GPC6: variants seen among roughly 807,000 people sequenced by gnomAD.
GPC6 encodes glypican 6.
GPC6 carries 14 observed loss-of-function variants against 55.2 expected under a neutral mutation model. The ratio of observed to expected loss-of-function variants is 0.25; its 90% CI spans 0.17 to 0.40. The LOEUF is 0.40. GPC6 is among the 10% of genes least tolerant of loss of function. GPC6 has a pLI of 1.00. For synonymous variants in GPC6, 278 were observed against 259.6 expected, an observed-to-expected ratio of 1.07 and a Z score of -0.68; for missense variants, 641 against 708.5, an observed-to-expected ratio of 0.90 and a Z score of 1.08.
At chr13:94,231,236 G>A (rs1347018199) in intron 4 of GPC6, among the ~76,000 whole-genome samples, 2 of 152,102 alleles carry the variant, frequency 1.3e-5, no homozygotes, top group Non-Finnish European at 2.9e-5. Context: ...AGGGACCCTT[G>A]GGCTGGTGTA....
intron 1 of GPC6, among the ~76,000 whole-genome samples, chr13:93,308,476 CTG>C (rs1878953556): frequency 6.6e-6 from 1 of 152,138 alleles, no homozygotes; most frequent in African/African-American, 2.4e-5. Context: ...GAGTCTGGCT[CTG>C]TTGTCTAGGC....
At chr13:93,918,811 G>A (rs1877419283) in intron 3 of GPC6, among the ~76,000 whole-genome samples, 1 of 152,142 alleles carries the variant, frequency 6.6e-6, no homozygotes, top group Non-Finnish European at 1.5e-5. Context: ...CATTGGGAGA[G>A]GTACCATCTT....
chr13:93,802,825 A>T (rs1886421411), intron 2 of GPC6, among the ~76,000 whole-genome samples: 4 of 152,232 alleles, frequency 2.6e-5, no homozygotes, highest in Non-Finnish European at 5.9e-5. Context: ...AACACCTGAG[A>T]GAGAAATAAT....
At chr13:93,411,304 A>G (rs1267338920) in intron 1 of GPC6, among the ~76,000 whole-genome samples, 2 of 152,152 alleles carry the variant, frequency 1.3e-5, no homozygotes, top group Non-Finnish European at 2.9e-5. Context: ...CCAATGTGCC[A>G]CACAGTGTAG....
intron 6 of GPC6, among the ~76,000 whole-genome samples, chr13:94,336,727 A>AATG (rs1410761406): frequency 6.6e-6 from 1 of 152,190 alleles, no homozygotes; most frequent in Non-Finnish European, 1.5e-5. Flanking sequence ...AAGGAAAGTA[A>AATG]ATGTGAGCAT....
chr13:93,851,812 CCTT>C (rs1178287755), intron 3 of GPC6, among the ~76,000 whole-genome samples: 2 of 151,590 alleles, frequency 1.3e-5, no homozygotes, highest in Non-Finnish European at 3.0e-5. Flanking sequence ...AGGATTATAT[CCTT>C]CTGCCACTTG....
At chr13:94,224,341 TAAA>T (rs1418995952) in intron 4 of GPC6, among the ~76,000 whole-genome samples, 1 of 150,818 alleles carries the variant, frequency 6.6e-6, no homozygotes, top group Admixed American at 6.6e-5. Context: ...AATAAAAATA[TAAA>T]ATATAAACTT....
chr13:93,567,586 G>A (rs1876196970), intron 2 of GPC6, among the ~76,000 whole-genome samples: 1 of 151,990 alleles, frequency 6.6e-6, no homozygotes, highest in African/African-American at 2.4e-5. Flanking sequence ...GCCTCCCAAA[G>A]CACTGGGATT....
At chr13:93,602,904 T>C (rs1878077571) in intron 2 of GPC6, among the ~76,000 whole-genome samples, 1 of 152,228 alleles carries the variant, frequency 6.6e-6, no homozygotes, top group African/African-American at 2.4e-5. Flanking sequence ...ACCAGCTAAG[T>C]CCATGCAAAC....
At chr13:93,765,308 T>TTCCAGATAAGCTGTATGGAAAGACA in intron 2 of GPC6, among the ~76,000 whole-genome samples, 1 of 148,684 alleles carries the variant, frequency 6.7e-6, no homozygotes, top group East Asian at 2.0e-4. Flanking sequence ...AAAGACAACT[T>TTCCAGATAAGCTGTATGGAAAGACA]ATTTGGTTTA....
chr13:93,365,126 A>G (rs550153599), intron 1 of GPC6, among the ~76,000 whole-genome samples: 1 of 152,256 alleles, frequency 6.6e-6, no homozygotes, highest in South Asian at 2.1e-4. Context: ...CTCTGAAGCC[A>G]TGGACCAGCA....
chr13:93,612,449 A>G (rs567698091), intron 2 of GPC6, among the ~76,000 whole-genome samples: 1 of 151,632 alleles, frequency 6.6e-6, no homozygotes, highest in South Asian at 2.1e-4. Context: ...CAGTGAGCCA[A>G]GATTGCGCCA....
intron 3 of GPC6, among the ~76,000 whole-genome samples, chr13:93,904,163 G>C (rs2140329658): frequency 6.6e-6 from 1 of 152,206 alleles, no homozygotes; most frequent in Non-Finnish European, 1.5e-5. Flanking sequence ...ACAGAATCCT[G>C]GGCTGTCACC....
chr13:93,294,556 C>T (rs963067729), intron 1 of GPC6, among the ~76,000 whole-genome samples: 5 of 152,076 alleles, frequency 3.3e-5, no homozygotes, highest in South Asian at 2.1e-4. Flanking sequence ...TGTTTTGTTA[C>T]CATACCGTAT....
At chr13:93,410,326 A>G (rs1018341679) in intron 1 of GPC6, among the ~76,000 whole-genome samples, 1 of 152,178 alleles carries the variant, frequency 6.6e-6, no homozygotes, top group South Asian at 2.1e-4. Context: ...AGCACTTTCT[A>G]TCAGTATTCA....
intron 1 of GPC6, among the ~76,000 whole-genome samples, chr13:93,421,723 A>T (rs1478185606): frequency 2.6e-5 from 4 of 152,174 alleles, no homozygotes; most frequent in African/African-American, 9.7e-5. Context: ...GTGAAAAAAA[A>T]AATGACTAAA....
chr13:93,289,416 T>C (rs955550051), intron 1 of GPC6, among the ~76,000 whole-genome samples: 1 of 152,196 alleles, frequency 6.6e-6, no homozygotes, highest in Non-Finnish European at 1.5e-5. Context: ...GATTATTTTT[T>C]GGTACACTGA....
intron 4 of GPC6, among the ~76,000 whole-genome samples, chr13:94,107,274 G>T (rs1380102634): frequency 6.6e-6 from 1 of 152,124 alleles, no homozygotes; most frequent in Non-Finnish European, 1.5e-5. Context: ...CAGTAAAGCG[G>T]CATAAAAGTT....
At chr13:93,409,487 T>A (rs1876415791) in intron 1 of GPC6, among the ~76,000 whole-genome samples, 1 of 152,134 alleles carries the variant, frequency 6.6e-6, no homozygotes. Context: ...TTCCCATAAC[T>A]GAAAAAGGGA....
Sources: gnomAD v4.1 joint callset for allele counts (sites outside exome capture counted in the v4.1 genomes callset) on GRCh38, gnomAD v4.1.1 for gene constraint, MANE v1.5 for transcripts, NCBI Gene and HGNC (gene_info 2026-07-23, HGNC 2026-07-21) for gene names.